The following ASPG variants were observed in gnomAD, a reference collection of about 807,000 sequenced individuals.
The protein encoded by ASPG is asparaginase.
A neutral mutation model predicts 63.2 loss-of-function variants in ASPG; 53 were observed. The observed-to-expected ratio is 0.84, with a 90% CI of 0.67 to 1.05. ASPG has a LOEUF of 1.05. Among genes scored for constraint, ASPG ranks in the 50% least tolerant of loss-of-function variants. ASPG has a pLI of 0.00. For synonymous variants in ASPG, 370 were observed against 355.0 expected (o/e 1.04, Z -0.48); for missense variants, 741 against 794.4 (o/e 0.93, Z 0.81).
intron 5 of ASPG, among the ~76,000 whole-genome samples, chr14:104,098,206 C>T (rs888953626): frequency 2.0e-5 from 3 of 152,118 alleles, no homozygotes; most frequent in Non-Finnish European, 2.9e-5. Context: ...GGAGGTTTTA[C>T]GTTAGAGATA....
rs145815086 is a variant in ASPG at position 104,097,654 on chromosome 14, C to T, written c.513+17C>T. The T allele has an allele frequency of 1.1e-4, 165 of 1,554,994 alleles. No individual in the cohort carries two copies. Among genetic ancestry groups the T allele is most frequent in the East Asian group, 6.3e-4 (26 of 41,356 alleles). On this transcript the variant is annotated intron_variant, in intron 5 of 15. Coordinates refer to ENST00000551177, the MANE Select transcript of ASPG (RefSeq NM_001080464.3). ...ATCCCAGAGGTACCTGCCTGGTGCA[C>T]GTGGAGGCGGGGCAGGTGGGGTGGG... is the stretch of plus-strand genomic sequence containing the variant.
Position 104,098,864 on chromosome 14 carries a change from C to G in ASPG, c.525C>G (p.Phe175Leu), listed in dbSNP as rs771039579. The change falls in exon 6 of 16, where the codon TTC (phenylalanine) becomes TTG (leucine). Residue 175 changes from phenylalanine (F) to leucine (L), a missense_variant. By Grantham distance (22) the Phe-to-Leu change is conservative. Transcript: ENST00000551177. ...CTCCGTTCCCGCAGGTCTGCCTTTT[C>G]TTCCAGAATCAGCTGTTTCGGGGCA... ...GQYVIPEVCL[F>L]FQNQLFRGNR... The G allele has an allele frequency of 6.2e-7, 1 of 1,613,064 alleles. No homozygotes were observed. Among genetic ancestry groups the G allele is most frequent in the Admixed American group, 1.7e-5 (1 of 60,012 alleles).
At position 104,098,740 on chromosome 14, in the gene ASPG, C is replaced by T. The variant is rs2141010961; in HGVS notation, c.514-113C>T. On this transcript the variant is annotated intron_variant, in intron 5 of 15. Transcript: ENST00000551177. Reference sequence around the variant, plus strand: ...TGCCTGCGGTGGGTGGGGTTACAGTCCCACCTCCCCCTGGGTCTGGGCACC... The same window carrying T: ...TGCCTGCGGTGGGTGGGGTTACAGTTCCACCTCCCCCTGGGTCTGGGCACC... The T allele has an allele frequency of 2.7e-6, 4 of 1,497,114 alleles. No individual in the cohort carries two copies. The East Asian group carries it at 7.2e-5, about 27-fold the overall frequency. The allele number at this position is 1,497,114 out of a possible 1,614,324, so 92.7% of individuals were successfully genotyped here.
chr14:104,110,637 C>G lies in ASPG; in HGVS notation c.1521-865C>G. On this transcript the variant is annotated intron_variant, in intron 13 of 15. Coordinates refer to ENST00000551177, the MANE Select transcript of ASPG (RefSeq NM_001080464.3). The surrounding 1 kb of genome is among the most constrained non-coding windows in gnomAD (Gnocchi z 4.7). ...GGCCAGTGAGGCCATCCAGCAGATT[C>G]GCTGCAGAGATTACCCAGTGCCACT... 1.0e-6 allele frequency: 1 copy of G among 985,290 alleles called. No individual in the cohort carries two copies. The highest frequency in any genetic ancestry group is 1.2e-6 in the Non-Finnish European group (1 of 829,866). The allele number at this position is 985,290 out of a possible 1,614,324, so 61.0% of individuals were successfully genotyped here. A position where few individuals can be genotyped will look rare whatever the true frequency, so the allele number is the denominator to read the frequency against.
chr14:104,089,059 C>T (rs553365536), intron 1 of ASPG, among the ~76,000 whole-genome samples: 8 of 152,038 alleles, frequency 5.3e-5, no homozygotes, highest in Non-Finnish European at 7.4e-5. Flanking sequence ...CTCACTCTGT[C>T]GCCCAGACTG....
chr14:104,103,675 G>C lies in ASPG; in HGVS notation c.753G>C (p.Leu251=). Residue 251 remains leucine, a splice_region_variant and synonymous_variant, in exon 7 of 16, where the codon CTG becomes CTC. Transcript: ENST00000551177. ...TCTACCCTGGGATCCCTGCCGCCCTGGTAGGGACCGCCCCGGCCATCCTGC... is the reference window on the plus strand; with the variant it reads ...TCTACCCTGGGATCCCTGCCGCCCTCGTAGGGACCGCCCCGGCCATCCTGC... ...LRLYPGIPAA[L]VRAFLQPPLK... 6.5e-7 allele frequency: 1 copy of C among 1,547,062 alleles called. No homozygotes were observed. The highest frequency in any genetic ancestry group is 8.7e-7 in the Non-Finnish European group (1 of 1,146,236).
At position 104,097,622 on chromosome 14, in the gene ASPG, G is replaced by T. The variant is rs1219617854; in HGVS notation, c.498G>T (p.Gln166His). Residue 166 changes from glutamine (Q) to histidine (H), a missense_variant, in exon 5 of 16, where the codon CAG becomes CAT. Gln to His is a conservative substitution (Grantham distance 24). Coordinates refer to ENST00000551177, the MANE Select transcript of ASPG (RefSeq NM_001080464.3). ...TGGGGGCACTGCTCATGGCTGGCCA[G>T]TATGTGATCCCAGAGGTACCTGCCT... is the stretch of plus-strand genomic sequence containing the variant. Reference protein sequence around the residue: ...NLLGALLMAGQYVIPEVCLFF... With the variant: ...NLLGALLMAGHYVIPEVCLFF... The T allele has an allele frequency of 5.1e-6, 8 of 1,564,060 alleles. No individual in the cohort carries two copies. Among genetic ancestry groups the T allele is most frequent in the Non-Finnish European group, 6.9e-6 (8 of 1,155,220 alleles).
chr14:104,100,330 A>T (rs1483028161), intron 6 of ASPG, among the ~76,000 whole-genome samples: 24 of 151,920 alleles, frequency 1.6e-4, no homozygotes. Flanking sequence ...CGTCAGCAGA[A>T]GCGGGTGGAG....
chr14:104,092,245 G>C (rs1398895827), intron 1 of ASPG, among the ~76,000 whole-genome samples: 1 of 152,324 alleles, frequency 6.6e-6, no homozygotes, highest in South Asian at 2.1e-4. Context: ...CTTCCAGGCA[G>C]AGCCCACAGT....
At chr14:104,086,377 A>C (rs373465013) in intron 1 of ASPG, among the ~76,000 whole-genome samples, 13 of 152,252 alleles carry the variant, frequency 8.5e-5, no homozygotes, top group African/African-American at 2.9e-4. Flanking sequence ...TTCACACCCG[A>C]GGTGGCCTCA....
chr14:104,109,597 C>CGT lies in ASPG; in HGVS notation c.1520+282_1520+283insGT. On this transcript the variant is annotated intron_variant, in intron 13 of 15. Coordinates refer to ENST00000551177, the MANE Select transcript of ASPG (RefSeq NM_001080464.3). The surrounding 1 kb of genome is among the most constrained non-coding windows in gnomAD (Gnocchi z 4.8). ...ATGTGTGTATGCATGTGTGTGGGTG[C>CGT]ATGTGTGTGTGTGTGGTGGGCTTGA... 6.8e-6 allele frequency among the ~76,000 whole-genome samples: 1 copy of CGT among 147,936 alleles called. No homozygotes were observed. The highest frequency in any genetic ancestry group is 2.2e-4 in the South Asian group (1 of 4,626).
chr14:104,085,844 A>G lies in ASPG; in HGVS notation c.74A>G (p.Glu25Gly), dbSNP rs2036206834. 1 of 1,585,466 alleles carries G rather than the reference A, an allele frequency of 6.3e-7. No homozygotes were observed. The highest frequency in any genetic ancestry group is 8.5e-7 in the Non-Finnish European group (1 of 1,172,232). Residue 25 changes from glutamate to glycine, a missense_variant, in exon 1 of 16, where the codon GAG becomes GGG. By Grantham distance (98) the Glu-to-Gly change is moderately conservative. Coordinates refer to ENST00000551177, the MANE Select transcript of ASPG (RefSeq NM_001080464.3). ...YTGGTIGMRS[E>G]LGVLVPGTGL... ...GGCGGCACCATTGGCATGCGGAGTG[A>G]GCTCGGCGGTGAGTCCGAGACCCTG...
Position 104,105,372 on chromosome 14 carries a change from G to A in ASPG, c.1095G>A (p.Val365=). ...GGGGGGAGATGACGCCACCCTCGGT[G>A]GAAGAGCGCCGGCCCTCACTGCAGG... ...DLRGEMTPPS[V]EERRPSLQGN... Residue 365 remains valine, a synonymous_variant, in exon 10 of 16, where the codon GTG becomes GTA. Transcript: ENST00000551177. The A allele has an allele frequency of 6.2e-7, 1 of 1,612,602 alleles. No homozygotes were observed. The highest frequency in any genetic ancestry group is 2.2e-5 in the East Asian group (1 of 44,866).
chr14:104,099,691 G>A (rs1490226603), intron 6 of ASPG, among the ~76,000 whole-genome samples: 4 of 152,332 alleles, frequency 2.6e-5, no homozygotes, highest in East Asian at 3.9e-4. Context: ...CTGACCCCAC[G>A]CCAGCACCCC....
At position 104,092,687 on chromosome 14, in the gene ASPG, A is replaced by G. The variant is rs1466801125; in HGVS notation, c.137A>G (p.His46Arg). ...AAILRTLPMF[H>R]DEEHARARGL... is the part of the protein sequence containing the mutation. ...ATCCTGAGGACACTGCCCATGTTCC[A>G]TGACGAGGAGCACGCCCGAGCCCGC... The change falls in exon 2 of 16, where the codon CAT becomes CGT. Residue 46 changes from histidine (H) to arginine (R), a missense_variant. Transcript: ENST00000551177. The G allele has an allele frequency of 6.5e-7, 1 of 1,538,020 alleles. No individual in the cohort carries two copies. The highest frequency in any genetic ancestry group is 8.7e-7 in the Non-Finnish European group (1 of 1,147,738).
chr14:104,107,412 C>T, intron 12 of ASPG, 67 bp downstream of exon 12: 1 of 1,298,392 alleles, frequency 7.7e-7, no homozygotes. Flanking sequence ...TGGGCTCCTG[C>T]ACTCAAACAG....
chr14:104,090,907 C>G (rs1460744067), intron 1 of ASPG, among the ~76,000 whole-genome samples: 1 of 152,060 alleles, frequency 6.6e-6, no homozygotes, highest in Non-Finnish European at 1.5e-5. Flanking sequence ...ATTCTGTCAC[C>G]CAGGCTGGAG....
chr14:104,104,096 C>T (rs1026576428), intron 7 of ASPG, among the ~76,000 whole-genome samples: 14 of 152,226 alleles, frequency 9.2e-5, no homozygotes, highest in Non-Finnish European at 1.5e-4. Context: ...ACAGACAGGG[C>T]GACCCTTTGG....
chr14:104,087,809 G>A (rs1000122555), intron 1 of ASPG, among the ~76,000 whole-genome samples: 2 of 152,226 alleles, frequency 1.3e-5, no homozygotes, highest in Non-Finnish European at 2.9e-5. Flanking sequence ...CGTGCTCGCC[G>A]CAGCAGCCTG....
Sources: allele counts gnomAD v4.1 joint callset (sites outside exome capture counted in the v4.1 genomes callset), GRCh38; gene constraint gnomAD v4.1.1; non-coding constraint Gnocchi (gnomAD v3.1); transcripts MANE v1.5; gene names NCBI Gene and HGNC (gene_info 2026-07-23, HGNC 2026-07-21).